The following KCTD8 variants were observed in gnomAD, a reference collection of about 807,000 sequenced individuals.
KCTD8 encodes the protein potassium channel tetramerization domain containing 8.
Under a neutral mutation model 31.5 loss-of-function variants are expected in KCTD8, and 27 were observed. That is an observed-to-expected ratio of 0.86 (90% CI 0.63 to 1.18). The LOEUF (loss-of-function observed/expected upper bound fraction) is 1.18, where lower values mean the gene tolerates loss of function less well. Ranked by LOEUF, KCTD8 falls within the 50% of genes most tolerant of loss-of-function variation. KCTD8 has a pLI of 0.00. For synonymous variants in KCTD8, 290 were observed against 280.0 expected (o/e 1.04, Z -0.36); for missense variants, 658 against 647.7 (o/e 1.02, Z -0.17).
intron 1 of KCTD8, among the ~76,000 whole-genome samples, chr4:44,333,532 T>C (rs532064808): frequency 6.6e-6 from 1 of 152,232 alleles, no homozygotes; most frequent in South Asian, 2.1e-4. Flanking sequence ...AAGTCTCTCA[T>C]GATTTCTAGC....
intron 1 of KCTD8, among the ~76,000 whole-genome samples, chr4:44,363,524 AAGAGAGGGGAGATG>A (rs1719554072): frequency 1.3e-5 from 2 of 152,144 alleles, no homozygotes; most frequent in Non-Finnish European, 2.9e-5. Context: ...AGGACCAAGA[AAGAGAGGGGAGATG>A]TTAGAAAATA....
rs553901519 is a variant in KCTD8 at position 44,340,634 on chromosome 4, T to C, written c.961+106929A>G. ...GACATATGTACATTTTAAAGATCGA[T>C]AGTTAAACAAATTGTGACGTATTTG... On this transcript the variant is annotated intron_variant, in intron 1 of 1. Transcript: ENST00000360029. Among the ~76,000 whole-genome samples the C allele has an allele frequency of 8.5e-4, 130 of 152,142 alleles. 1 individual carries two copies. The highest frequency in any genetic ancestry group is 1.6e-3 in the Non-Finnish European group (109 of 67,994).
chr4:44,345,150 T>C (rs1343671875), intron 1 of KCTD8, among the ~76,000 whole-genome samples: 1 of 152,176 alleles, frequency 6.6e-6, no homozygotes, highest in Non-Finnish European at 1.5e-5. Flanking sequence ...TATAGTAGTC[T>C]AGTATTTAAG....
Position 44,214,559 on chromosome 4 carries a change from C to T in KCTD8, c.962-39309G>A, listed in dbSNP as rs571149736. Among the ~76,000 whole-genome samples, 6 of 152,272 alleles carry T rather than the reference C, an allele frequency of 3.9e-5. No individual in the cohort carries two copies. The South Asian group carries it at 1.0e-3, about 26-fold the overall frequency. ...CAAACTATTAAATAATACAATAAAA[C>T]ATCGTAACCCAGAGATAAAATGAAA... On this transcript the variant is annotated intron_variant, in intron 1 of 1. Transcript: ENST00000360029.
At chr4:44,302,295 A>C (rs1369852847) in intron 1 of KCTD8, among the ~76,000 whole-genome samples, 2 of 152,108 alleles carry the variant, frequency 1.3e-5, no homozygotes, top group African/African-American at 4.8e-5. Flanking sequence ...TTGAATCTAT[A>C]AATTACCTTG....
At chr4:44,227,358 G>A (rs746089265) in intron 1 of KCTD8, among the ~76,000 whole-genome samples, 2 of 152,132 alleles carry the variant, frequency 1.3e-5, no homozygotes, top group Admixed American at 6.5e-5. Flanking sequence ...GTAGCTGTGT[G>A]GTATTATTTC....
chr4:44,362,075 G>A (rs1262024728), intron 1 of KCTD8, among the ~76,000 whole-genome samples: 3 of 152,088 alleles, frequency 2.0e-5, no homozygotes, highest in East Asian at 3.9e-4. Flanking sequence ...TGAAGGTAGA[G>A]GAGATAAAAA....
At chr4:44,276,771 A>C (rs932970287) in intron 1 of KCTD8, among the ~76,000 whole-genome samples, 3 of 152,024 alleles carry the variant, frequency 2.0e-5, no homozygotes, top group Non-Finnish European at 4.4e-5. Flanking sequence ...GTTCACATTT[A>C]ATATTCTCTC....
intron 1 of KCTD8, among the ~76,000 whole-genome samples, chr4:44,269,117 A>G (rs1268606664): frequency 6.6e-6 from 1 of 152,200 alleles, no homozygotes; most frequent in Non-Finnish European, 1.5e-5. Flanking sequence ...AGCTGGAGGC[A>G]TCATGCTACC....
At chr4:44,320,242 A>C (rs2109405515) in intron 1 of KCTD8, among the ~76,000 whole-genome samples, 1 of 150,206 alleles carries the variant, frequency 6.7e-6, no homozygotes, top group Middle Eastern at 3.5e-3. Flanking sequence ...ATGGGGCTTC[A>C]AATCCTGGAG....
At chr4:44,385,101 T>C (rs1404784601) in intron 1 of KCTD8, among the ~76,000 whole-genome samples, 1 of 151,708 alleles carries the variant, frequency 6.6e-6, no homozygotes, top group Non-Finnish European at 1.5e-5. Context: ...AACATTTTCA[T>C]GGATTGGAAG....
chr4:44,318,849 T>C (rs1159738275), intron 1 of KCTD8, among the ~76,000 whole-genome samples: 1 of 152,128 alleles, frequency 6.6e-6, no homozygotes. Context: ...AATTTAAAAG[T>C]GGAAGAAGCC....
chr4:44,361,876 ATAGTCAG>A (rs1395228020), intron 1 of KCTD8, among the ~76,000 whole-genome samples: 4 of 152,150 alleles, frequency 2.6e-5, no homozygotes, highest in Admixed American at 6.6e-5. Context: ...TGAGTACCTT[ATAGTCAG>A]AAAACCAGAG....
chr4:44,378,559 C>A (rs372932214), intron 1 of KCTD8, among the ~76,000 whole-genome samples: 4 of 151,944 alleles, frequency 2.6e-5, no homozygotes, highest in East Asian at 1.9e-4. Flanking sequence ...TGGAATGATT[C>A]TATTATTGAA....
intron 1 of KCTD8, among the ~76,000 whole-genome samples, chr4:44,340,195 G>C (rs1718859079): frequency 6.6e-6 from 1 of 151,926 alleles, no homozygotes; most frequent in Non-Finnish European, 1.5e-5. Context: ...CTCTACTCCT[G>C]GACTTGCCCA....
At chr4:44,187,850 G>A (rs1187579306) in intron 1 of KCTD8, among the ~76,000 whole-genome samples, 1 of 151,894 alleles carries the variant, frequency 6.6e-6, no homozygotes, top group Non-Finnish European at 1.5e-5. Flanking sequence ...ATAAAACCAC[G>A]CTGGTTGTAA....
chr4:44,397,030 T>A (rs767396118), intron 1 of KCTD8, among the ~76,000 whole-genome samples: 8 of 152,032 alleles, frequency 5.3e-5, no homozygotes, highest in Non-Finnish European at 1.0e-4. Context: ...CTCAATAACA[T>A]TCCTATGCTG....
At chr4:44,419,753 T>C (rs1328634546) in intron 1 of KCTD8, among the ~76,000 whole-genome samples, 1 of 151,824 alleles carries the variant, frequency 6.6e-6, no homozygotes, top group East Asian at 1.9e-4. Context: ...CTAATGTAAA[T>C]GACTAGTTGA....
intron 1 of KCTD8, among the ~76,000 whole-genome samples, chr4:44,211,860 T>C (rs957507279): frequency 2.6e-4 from 39 of 152,128 alleles, no homozygotes; most frequent in African/African-American, 8.4e-4. Context: ...TGATTTGTTA[T>C]AGTTATTTTA....
Sources: allele counts gnomAD v4.1 joint callset (sites outside exome capture counted in the v4.1 genomes callset), GRCh38; gene constraint gnomAD v4.1.1; transcripts MANE v1.5; gene names NCBI Gene and HGNC (gene_info 2026-07-23, HGNC 2026-07-21).